EXT1: variants seen among roughly 807,000 people sequenced by gnomAD.
The protein encoded by EXT1 is exostosin glycosyltransferase 1.
Under a neutral mutation model 82.5 loss-of-function variants are expected in EXT1, and 20 were observed. That is an observed-to-expected ratio of 0.24 (90% CI 0.17 to 0.35). The LOEUF (loss-of-function observed/expected upper bound fraction) is 0.35, where lower values mean the gene tolerates loss of function less well. Among genes scored for constraint, EXT1 ranks in the 10% least tolerant of loss-of-function variants. The pLI, the probability that EXT1 is intolerant of heterozygous loss-of-function variation, is 1.00. For synonymous variants in EXT1, 348 were observed against 350.8 expected, an observed-to-expected ratio of 0.99 and a Z score of 0.09; for missense variants, 757 against 936.5, an observed-to-expected ratio of 0.81 and a Z score of 2.50.
intron 1 of EXT1, among the ~76,000 whole-genome samples, chr8:117,953,013 T>C (rs960889096): frequency 1.3e-5 from 2 of 152,182 alleles, no homozygotes; most frequent in Admixed American, 1.3e-4. Flanking sequence ...TTGCCAAGAA[T>C]GTCTGTGTTT....
At chr8:117,998,535 C>T (rs1372407612) in intron 1 of EXT1, among the ~76,000 whole-genome samples, 1 of 152,022 alleles carries the variant, frequency 6.6e-6, no homozygotes, top group Non-Finnish European at 1.5e-5. Context: ...GTGATGCTCC[C>T]TCCTCACCTC....
chr8:118,055,363 C>G (rs942841390), intron 1 of EXT1, among the ~76,000 whole-genome samples: 2 of 152,210 alleles, frequency 1.3e-5, no homozygotes, highest in South Asian at 4.1e-4. Context: ...GGATATAGCA[C>G]AGTCTACTCA....
intron 1 of EXT1, among the ~76,000 whole-genome samples, chr8:118,071,413 T>C (rs952471801): frequency 1.3e-5 from 2 of 152,090 alleles, no homozygotes; most frequent in African/African-American, 2.4e-5. Context: ...GCAGAGGTAA[T>C]GGTGCAGTGA....
At chr8:118,099,521 T>C (rs1462643655) in intron 1 of EXT1, among the ~76,000 whole-genome samples, 1 of 152,224 alleles carries the variant, frequency 6.6e-6, no homozygotes, top group Non-Finnish European at 1.5e-5. Flanking sequence ...TGTGAGTGTG[T>C]GGTCTTTATG....
intron 1 of EXT1, among the ~76,000 whole-genome samples, chr8:117,912,160 A>AGG (rs1022742256): frequency 1.2e-4 from 18 of 152,224 alleles, no homozygotes; most frequent in African/African-American, 4.3e-4. Context: ...ATATTGCAAG[A>AGG]GGGAGAGAGA....
chr8:117,827,901 T>C (rs1812033816), intron 4 of EXT1, among the ~76,000 whole-genome samples: 1 of 151,820 alleles, frequency 6.6e-6, no homozygotes, highest in Non-Finnish European at 1.5e-5. Context: ...GCACAATAAT[T>C]TGACCTTGAG....
At chr8:117,927,862 C>T (rs908910170) in intron 1 of EXT1, among the ~76,000 whole-genome samples, 3 of 152,192 alleles carry the variant, frequency 2.0e-5, no homozygotes, top group African/African-American at 7.2e-5. Flanking sequence ...TAATTTTGTG[C>T]TAGATCCTGT....
intron 1 of EXT1, among the ~76,000 whole-genome samples, chr8:117,839,652 A>G (rs753968540): frequency 6.6e-6 from 1 of 152,198 alleles, no homozygotes; most frequent in Non-Finnish European, 1.5e-5. Flanking sequence ...AATTACTAAC[A>G]TGTTCTACCT....
intron 1 of EXT1, among the ~76,000 whole-genome samples, chr8:117,882,031 A>T (rs1426891285): frequency 6.6e-6 from 1 of 152,204 alleles, no homozygotes; most frequent in Admixed American, 6.5e-5. Flanking sequence ...AACACCTGTT[A>T]AGGAACCTGT....
intron 1 of EXT1, among the ~76,000 whole-genome samples, chr8:117,947,689 T>C (rs544063477): frequency 1.6e-3 from 248 of 152,336 alleles, no homozygotes; most frequent in African/African-American, 5.9e-3. Context: ...TGAAAAGCAT[T>C]GCCTCAAGAA....
intron 1 of EXT1, among the ~76,000 whole-genome samples, chr8:117,838,609 G>T (rs1396863549): frequency 1.3e-5 from 2 of 151,868 alleles, no homozygotes; most frequent in East Asian, 3.9e-4. Context: ...AAGTAAAAAA[G>T]ATTTTTAAGA....
chr8:117,994,524 T>C lies in EXT1; in HGVS notation c.962+115561A>G, dbSNP rs142672560. On this transcript the variant is annotated intron_variant, in intron 1 of 10. Transcript: ENST00000378204. ...TACTAGGGAGAGTGAGGCAGGAGGA[T>C]CACTTGAGCCTGGGAGGTTGAGACT... 1.2e-3 allele frequency among the ~76,000 whole-genome samples: 187 copies of C among 152,210 alleles called. 1 individual carries two copies. Among genetic ancestry groups the C allele is most frequent in the Non-Finnish European group, 2.1e-3 (143 of 67,996 alleles).
chr8:117,973,444 G>A (rs1387371784), intron 1 of EXT1, among the ~76,000 whole-genome samples: 2 of 152,120 alleles, frequency 1.3e-5, no homozygotes, highest in Non-Finnish European at 2.9e-5. Flanking sequence ...ATGGCTATGT[G>A]CAAATTAACA....
At chr8:117,979,820 G>C (rs1815147335) in intron 1 of EXT1, among the ~76,000 whole-genome samples, 1 of 152,150 alleles carries the variant, frequency 6.6e-6, no homozygotes, top group Admixed American at 6.5e-5. Context: ...GCATTTATTT[G>C]GACCATTGTA....
At chr8:118,003,905 A>T (rs988497059) in intron 1 of EXT1, among the ~76,000 whole-genome samples, 1 of 152,220 alleles carries the variant, frequency 6.6e-6, no homozygotes, top group African/African-American at 2.4e-5. Context: ...TTTTGCTTTT[A>T]GCACAATAAA....
At chr8:118,030,986 C>T (rs1816304869) in intron 1 of EXT1, among the ~76,000 whole-genome samples, 1 of 152,122 alleles carries the variant, frequency 6.6e-6, no homozygotes, top group Non-Finnish European at 1.5e-5. Flanking sequence ...CTGAAACATG[C>T]ATCTAAGAAG....
chr8:117,955,686 G>T (rs886409398), intron 1 of EXT1, among the ~76,000 whole-genome samples: 1 of 152,184 alleles, frequency 6.6e-6, no homozygotes, highest in Non-Finnish European at 1.5e-5. Flanking sequence ...CTCCCGAGTA[G>T]CTGGGACTAC....
Position 118,101,996 on chromosome 8 carries a change from G to A in EXT1, c.962+8089C>T, listed in dbSNP as rs557766734. Among the ~76,000 whole-genome samples, 9 of 151,488 alleles carry A rather than the reference G, an allele frequency of 5.9e-5. 1 individual carries two copies. The South Asian group carries it at 1.7e-3, about 28-fold the overall frequency. On this transcript the variant is annotated intron_variant, in intron 1 of 10. Transcript: ENST00000378204. ...TAAATATGTAAGAAGGCTGGGTGCT[G>A]TAGCTCACGCCTGTAATCCCAGTAC...
intron 1 of EXT1, among the ~76,000 whole-genome samples, chr8:118,041,699 AAGGAAG>A (rs1816532917): frequency 6.6e-6 from 1 of 151,416 alleles, no homozygotes; most frequent in Non-Finnish European, 1.5e-5. Flanking sequence ...GGAAGGAAGG[AAGGAAG>A]GAAGGAAGGA....
Sources: gnomAD v4.1 joint callset for allele counts (sites outside exome capture counted in the v4.1 genomes callset) on GRCh38, gnomAD v4.1.1 for gene constraint, MANE v1.5 for transcripts, NCBI Gene and HGNC (gene_info 2026-07-23, HGNC 2026-07-21) for gene names.